Variants in SNX13 observed in about 807,000 individuals in gnomAD.
SNX13 encodes sorting nexin 13, also known as sorting nexin-13.
In SNX13, 45 loss-of-function variants were observed where a neutral mutation model predicts 133.6. The ratio of observed to expected loss-of-function variants is 0.34; its 90% confidence interval spans 0.27 to 0.43. The LOEUF is 0.43. SNX13 is among the 20% of genes least tolerant of loss of function. The pLI is 1.00. For synonymous variants in SNX13, 414 were observed against 373.9 expected, an observed-to-expected ratio of 1.11 and a Z score of -1.24; for missense variants, 1,032 against 1,145.1, an observed-to-expected ratio of 0.90 and a Z score of 1.43.
chr7:17,871,042 G>GT (rs1244139237), intron 8 of SNX13, among the ~76,000 whole-genome samples: 1 of 150,504 alleles, frequency 6.6e-6, no homozygotes, highest in Non-Finnish European at 1.5e-5. Flanking sequence ...GTCTGGCTCT[G>GT]TCGCCCAGGC....
Position 17,890,479 on chromosome 7 carries a change from G to C in SNX13, c.324C>G (p.Ile108Met), listed in dbSNP as rs1583644563. ...NIIDEPLQQV[I>M]QFSLRDYVQY... The stretch of plus-strand genomic sequence containing the variant: ...GGACATAATCCCTCAAGGAAAACTG[G>C]ATAACCTATAACAAAAATATTGGAA... Residue 108 changes from isoleucine (I) to methionine (M), a missense_variant, in exon 5 of 26, where the codon ATC becomes ATG. Physicochemically the swap from Ile to Met is conservative, Grantham distance 10 (BLOSUM62 1). Coordinates refer to ENST00000428135, the MANE Select transcript of SNX13 (RefSeq NM_015132.5). The C allele has an allele frequency of 6.4e-7, 1 of 1,571,120 alleles. No individual in the cohort carries two copies. The highest frequency in any genetic ancestry group is 8.6e-7 in the Non-Finnish European group (1 of 1,159,158).
At chr7:17,892,139 T>C (rs1796692965) in intron 3 of SNX13, among the ~76,000 whole-genome samples, 1 of 151,848 alleles carries the variant, frequency 6.6e-6, no homozygotes, top group South Asian at 2.1e-4. Flanking sequence ...GGGGAAAAGG[T>C]AGTGGGAGAT....
chr7:17,934,701 C>G (rs1170099759), intron 1 of SNX13, among the ~76,000 whole-genome samples: 3 of 152,146 alleles, frequency 2.0e-5, no homozygotes, highest in South Asian at 2.1e-4. Flanking sequence ...AAGAAAATAA[C>G]CATTTTTAAA....
Position 17,897,337 on chromosome 7 carries a change from C to A in SNX13, c.122G>T (p.Gly41Val), listed in dbSNP as rs771643376. The change falls in exon 2 of 26, where the codon GGT (glycine) becomes GTT (valine). Residue 41 changes from glycine (G) to valine (V), a missense_variant. Transcript: ENST00000428135. ...YLTFYILCFVGGGLVVTLLFG... is the reference protein window; with the variant it reads ...YLTFYILCFVVGGLVVTLLFG... ...AATTATAATTGAGTATACTTACCCA[C>A]CCACAAAGCAGAGGATATAAAATGT... 2 of 1,527,160 alleles carry A rather than the reference C, an allele frequency of 1.3e-6. No homozygotes were observed. The highest frequency in any genetic ancestry group is 1.3e-5 in the South Asian group (1 of 75,818). 94.6% of individuals were successfully genotyped at this position (1,527,160 alleles called of 1,614,324 possible).
intron 13 of SNX13, among the ~76,000 whole-genome samples, chr7:17,839,270 G>A (rs1022795254): frequency 2.0e-5 from 3 of 150,296 alleles, no homozygotes; most frequent in African/African-American, 7.3e-5. Flanking sequence ...AGGATTAAGT[G>A]ATTTATAATG....
intron 11 of SNX13, among the ~76,000 whole-genome samples, chr7:17,848,386 C>T (rs956327373): frequency 5.9e-5 from 9 of 152,302 alleles, no homozygotes; most frequent in East Asian, 3.9e-4. Context: ...AGCTCAGAAG[C>T]CACGAGTGTG....
At chr7:17,871,441 T>C (rs1253640105) in intron 8 of SNX13, among the ~76,000 whole-genome samples, 2 of 152,216 alleles carry the variant, frequency 1.3e-5, no homozygotes, top group Non-Finnish European at 2.9e-5. Flanking sequence ...TAGGCTCCTC[T>C]GAATCCTCCA....
At chr7:17,830,460 T>C (rs376499333) in intron 15 of SNX13, 2 of 984,056 alleles carry the variant, frequency 2.0e-6, no homozygotes, top group Non-Finnish European at 2.4e-6. Context: ...AGATTACAAA[T>C]AAAATCAGTC....
intron 11 of SNX13, among the ~76,000 whole-genome samples, 151 bp from the exon 12 acceptor site, chr7:17,845,845 T>C (rs2691614): frequency 0.15 from 22,152 of 152,172 alleles, 1,857 homozygotes; most frequent in South Asian, 0.38. Context: ...TAGATATACA[T>C]TGTGTGAATT....
intron 18 of SNX13, among the ~76,000 whole-genome samples, chr7:17,821,180 C>T (rs531153057): frequency 1.1e-3 from 170 of 152,226 alleles, no homozygotes; most frequent in African/African-American, 4.0e-3. Flanking sequence ...ACAGCAATCC[C>T]CATTCCTACT....
intron 22 of SNX13, among the ~76,000 whole-genome samples, chr7:17,799,865 T>C (rs1784430811): frequency 6.6e-6 from 1 of 151,840 alleles, no homozygotes; most frequent in Non-Finnish European, 1.5e-5. Context: ...TAGTACCACA[T>C]ATAATTGTTA....
At chr7:17,885,582 CT>C (rs1214695350) in intron 5 of SNX13, among the ~76,000 whole-genome samples, 2 of 152,174 alleles carry the variant, frequency 1.3e-5, no homozygotes, top group Non-Finnish European at 2.9e-5. Flanking sequence ...AATCCCAGCA[CT>C]TTGGGAGGCT....
At chr7:17,871,163 G>A (rs1200877695) in intron 8 of SNX13, among the ~76,000 whole-genome samples, 2 of 151,926 alleles carry the variant, frequency 1.3e-5, no homozygotes, top group Non-Finnish European at 1.5e-5. Context: ...CTGCCACCAT[G>A]CCCAGCTAAT....
At chr7:17,874,028 T>A (rs1178907074) in intron 7 of SNX13, among the ~76,000 whole-genome samples, 1 of 152,176 alleles carries the variant, frequency 6.6e-6, no homozygotes, top group African/African-American at 2.4e-5. Flanking sequence ...CTCAGCAGGC[T>A]ATAACAAAGG....
At chr7:17,900,836 C>CA in intron 1 of SNX13, among the ~76,000 whole-genome samples, 1 of 152,226 alleles carries the variant, frequency 6.6e-6, no homozygotes, top group East Asian at 1.9e-4. Flanking sequence ...AGGTGCAACA[C>CA]AAAGTCCCCT....
chr7:17,797,101 A>G (rs893404379), intron 24 of SNX13, among the ~76,000 whole-genome samples, 162 bp from the exon 25 acceptor site: 14 of 151,850 alleles, frequency 9.2e-5, no homozygotes, highest in Non-Finnish European at 1.9e-4. Flanking sequence ...AAGATCAACT[A>G]AGTGTAGGGT....
chr7:17,815,136 T>A (rs886124764), intron 19 of SNX13, among the ~76,000 whole-genome samples, 192 bp from the exon 20 acceptor site: 1 of 152,200 alleles, frequency 6.6e-6, no homozygotes, highest in African/African-American at 2.4e-5. Context: ...CAGTTTGGTA[T>A]ATATATTCTT....
chr7:17,872,359 G>A (rs1794214039), intron 8 of SNX13, among the ~76,000 whole-genome samples: 1 of 152,190 alleles, frequency 6.6e-6, no homozygotes, highest in African/African-American at 2.4e-5. Context: ...ATAATGCTGA[G>A]ATTCCACGTA....
chr7:17,819,965 G>A (rs1341513161), intron 18 of SNX13, among the ~76,000 whole-genome samples: 1 of 151,918 alleles, frequency 6.6e-6, no homozygotes, highest in Non-Finnish European at 1.5e-5. Flanking sequence ...TCACTCACGT[G>A]AGCTGTTTGA....
Sources: gnomAD v4.1 joint callset for allele counts (sites outside exome capture counted in the v4.1 genomes callset) on GRCh38, gnomAD v4.1.1 for gene constraint, MANE v1.5 for transcripts, NCBI Gene and HGNC (gene_info 2026-07-23, HGNC 2026-07-21) for gene names.